The following TENM4 variants were observed in gnomAD, a reference collection of about 807,000 sequenced individuals.
TENM4 encodes teneurin-4.
In TENM4, 82 loss-of-function variants were observed where a neutral mutation model predicts 243.3. The ratio of observed to expected loss-of-function variants is 0.34; its 90% CI spans 0.28 to 0.40. The LOEUF (loss-of-function observed/expected upper bound fraction) is 0.40. Among genes scored for constraint, TENM4 ranks in the 10% least tolerant of loss-of-function variants. The pLI is 1.00. For missense variants in TENM4, 3,138 were observed against 3,673.3 expected, an observed-to-expected ratio of 0.85 and a Z score of 3.77; for synonymous variants, 1,412 against 1,456.3, an observed-to-expected ratio of 0.97 and a Z score of 0.69.
At chr11:78,694,598 C>T (rs1241940309) in intron 28 of TENM4, among the ~76,000 whole-genome samples, 1 of 152,182 alleles carries the variant, frequency 6.6e-6, no homozygotes, top group Non-Finnish European at 1.5e-5. Context: ...TGAACCCTGG[C>T]TTGGCGACTC....
At chr11:79,029,587 G>A (rs184439336) in intron 6 of TENM4, among the ~76,000 whole-genome samples, 35 of 152,264 alleles carry the variant, frequency 2.3e-4, no homozygotes, top group Admixed American at 2.2e-3. Flanking sequence ...AGAGCCCCTG[G>A]GGGAGTGGAA....
intron 6 of TENM4, among the ~76,000 whole-genome samples, chr11:78,932,799 C>G (rs138139319): frequency 6.6e-6 from 1 of 152,096 alleles, no homozygotes; most frequent in Non-Finnish European, 1.5e-5. Flanking sequence ...CCCTCGCATG[C>G]GCAGTTCAAA....
chr11:79,138,446 T>A (rs12803144), intron 4 of TENM4, among the ~76,000 whole-genome samples: 3 of 113,768 alleles, frequency 2.6e-5, no homozygotes, highest in African/African-American at 7.5e-5. Context: ...TATATTATAT[T>A]TATATATAAT....
At chr11:79,218,263 C>A (rs1864096125) in intron 2 of TENM4, among the ~76,000 whole-genome samples, 1 of 147,974 alleles carries the variant, frequency 6.8e-6, no homozygotes, top group Non-Finnish European at 1.5e-5. Context: ...AACCCCACCC[C>A]AAGTTCCAAA....
At chr11:78,713,637 G>A (rs920929465) in intron 25 of TENM4, among the ~76,000 whole-genome samples, 3 of 152,172 alleles carry the variant, frequency 2.0e-5, no homozygotes, top group African/African-American at 4.8e-5. Flanking sequence ...CAAAATAGGG[G>A]TGTTAACAGC....
intron 7 of TENM4, among the ~76,000 whole-genome samples, chr11:78,899,544 C>T (rs1323769346): frequency 1.7e-5 from 2 of 120,120 alleles, no homozygotes; most frequent in East Asian, 4.9e-4. Context: ...TGCCACTGCA[C>T]TCTGTCTCAA....
intron 20 of TENM4, among the ~76,000 whole-genome samples, chr11:78,736,490 G>A (rs1181256846): frequency 6.7e-6 from 1 of 149,676 alleles, no homozygotes; most frequent in Non-Finnish European, 1.5e-5. Context: ...GCGCGCGCGT[G>A]CATGTGAGTA....
At chr11:79,041,149 C>T (rs150139469) in intron 6 of TENM4, among the ~76,000 whole-genome samples, 2,016 of 151,984 alleles carry the variant, frequency 0.013, 45 homozygotes, top group African/African-American at 0.047. Flanking sequence ...ATGCAACCTC[C>T]GCCTCCCGGG....
intron 2 of TENM4, among the ~76,000 whole-genome samples, chr11:79,295,019 A>C (rs1856425176): frequency 6.6e-6 from 1 of 152,152 alleles, no homozygotes; most frequent in Admixed American, 6.5e-5. Flanking sequence ...TGGGATGCAC[A>C]AGGATGACGC....
intron 2 of TENM4, among the ~76,000 whole-genome samples, chr11:79,260,930 T>C (rs756995621): frequency 2.1e-4 from 32 of 152,172 alleles, no homozygotes; most frequent in Non-Finnish European, 4.6e-4. Flanking sequence ...ATGAAAACGA[T>C]GTTTCCTGAG....
intron 30 of TENM4, among the ~76,000 whole-genome samples, chr11:78,673,280 G>C (rs1054350241): frequency 2.6e-5 from 4 of 152,150 alleles, no homozygotes; most frequent in Non-Finnish European, 5.9e-5. Context: ...AGGCATTGGT[G>C]GCCCCTGAAA....
rs751342249 is a variant in TENM4 at position 78,786,935 on chromosome 11, C to T, written c.2328G>A (p.Glu776=). The change falls in exon 16 of 34, where the codon GAG becomes GAA. Residue 776 remains glutamate (E), a synonymous_variant. Coordinates refer to ENST00000278550, the MANE Select transcript of TENM4 (RefSeq NM_001098816.3). The stretch of plus-strand genomic sequence containing the variant: ...GTTCGCCATTCCAGCCAGGGCTGCA[C>T]TCGCACTTGCCGTCGCGGCAGGTCC... The part of the protein sequence containing the change: ...EHGTCRDGKC[E]CSPGWNGEHC... 9 of 1,608,558 alleles carry T rather than the reference C, an allele frequency of 5.6e-6. No homozygotes were observed. The South Asian group carries it at 1.0e-4, about 18-fold the overall frequency.
intron 1 of TENM4, among the ~76,000 whole-genome samples, chr11:79,421,887 G>A (rs983178088): frequency 2.0e-5 from 3 of 152,030 alleles, no homozygotes; most frequent in African/African-American, 7.2e-5. Flanking sequence ...CTGTTGTCGG[G>A]GTGGTTTAGA....
At chr11:79,354,078 C>T (rs539024833) in intron 1 of TENM4, among the ~76,000 whole-genome samples, 2 of 152,290 alleles carry the variant, frequency 1.3e-5, no homozygotes, top group African/African-American at 4.8e-5. Flanking sequence ...TTGTTGTGAC[C>T]TTGGTTTTTG....
intron 1 of TENM4, among the ~76,000 whole-genome samples, chr11:79,410,466 C>T (rs1030618632): frequency 6.6e-6 from 1 of 152,196 alleles, no homozygotes. Context: ...GGGCTCAATA[C>T]ATATTAACTG....
At chr11:79,032,070 T>C (rs1859255753) in intron 6 of TENM4, among the ~76,000 whole-genome samples, 1 of 152,210 alleles carries the variant, frequency 6.6e-6, no homozygotes, top group Non-Finnish European at 1.5e-5. Context: ...AGATGTATTT[T>C]AGTCACCATA....
At chr11:79,246,735 A>ATACT (rs1855523106) in intron 2 of TENM4, among the ~76,000 whole-genome samples, 1 of 152,158 alleles carries the variant, frequency 6.6e-6, no homozygotes, top group Non-Finnish European at 1.5e-5. Context: ...CTGGATACAT[A>ATACT]TACTTAGATG....
At chr11:78,972,401 G>A (rs946337566) in intron 6 of TENM4, among the ~76,000 whole-genome samples, 3 of 152,078 alleles carry the variant, frequency 2.0e-5, no homozygotes, top group African/African-American at 4.8e-5. Context: ...AAAACAGGAC[G>A]CAGTAAATTT....
intron 1 of TENM4, among the ~76,000 whole-genome samples, chr11:79,374,823 C>A (rs1857860077): frequency 6.6e-6 from 1 of 152,078 alleles, no homozygotes; most frequent in Non-Finnish European, 1.5e-5. Context: ...TTAACAGAGT[C>A]CCAAAGTGCT....
Sources: allele counts gnomAD v4.1 joint callset (sites outside exome capture counted in the v4.1 genomes callset), GRCh38; gene constraint gnomAD v4.1.1; transcripts MANE v1.5; gene names NCBI Gene and HGNC (gene_info 2026-07-23, HGNC 2026-07-21).